Variants in CD300LD observed in about 807,000 individuals in gnomAD.
CD300LD encodes the protein CD300 molecule like family member d, also known as CMRF35-like molecule 5.
Under a neutral mutation model 20.3 loss-of-function variants are expected in CD300LD, and 18 were observed. The ratio of observed to expected loss-of-function variants is 0.89; its 90% confidence interval spans 0.61 to 1.32. The LOEUF is 1.32. CD300LD is among the 40% of genes most tolerant of loss of function. CD300LD has a pLI of 0.00. For synonymous variants in CD300LD, 104 were observed against 90.1 expected (o/e 1.15, Z -0.87); for missense variants, 195 against 226.6 (o/e 0.86, Z 0.90).
In CD300LD at chr17:74,588,776, C is replaced by A. The variant is rs774693512; in HGVS notation, c.114G>T (p.Gln38His). ...TCTCCCAGCCTGAGCCATAAGCACA[C>A]TGCACAGTCAATGAGCCCTGCTCCG... The part of the protein sequence containing the change: ...NGSEQGSLTV[Q>H]CAYGSGWETY... The change falls in exon 2 of 4, where the codon CAG becomes CAT. Residue 38 changes from glutamine to histidine, a missense_variant. By Grantham distance (24) the Gln-to-His change is conservative (BLOSUM62 0). Coordinates refer to ENST00000375352, the MANE Select transcript of CD300LD (RefSeq NM_001115152.2). 2 of 1,614,228 alleles carry A rather than the reference C, an allele frequency of 1.2e-6. No individual in the cohort carries two copies. The highest frequency in any genetic ancestry group is 3.3e-5 in the Admixed American group (2 of 60,034).
chr17:74,580,074 G>GAGGAAC lies in CD300LD; in HGVS notation c.507_512dup (p.Phe170_Leu171dup). The GAGGAAC allele has an allele frequency of 6.2e-7, 1 of 1,613,370 alleles. No homozygotes were observed. The highest frequency in any genetic ancestry group is 8.5e-7 in the Non-Finnish European group (1 of 1,179,612). ...TGCTCAGGAGCAGAGGCAGCTCCAGGAGGAACAGGAACAGGAAGTGGGTGC... is the reference window on the plus strand; with the variant it reads ...TGCTCAGGAGCAGAGGCAGCTCCAGGAGGAACAGGAACAGGAACAGGAAGTGGGTGC... On this transcript the variant is annotated inframe_insertion, in exon 4 of 4. Transcript: ENST00000375352.
At chr17:74,583,573 A>C (rs765011939) in intron 2 of CD300LD, among the ~76,000 whole-genome samples, 2 of 152,126 alleles carry the variant, frequency 1.3e-5, no homozygotes, top group Non-Finnish European at 2.9e-5. Context: ...GGGATGATCC[A>C]TTTTCTCTTA....
At chr17:74,578,904 C>T (rs775628756), downstream of CD300LD, among the ~76,000 whole-genome samples, 23 of 152,134 alleles carry the variant, frequency 1.5e-4, no homozygotes, top group Non-Finnish European at 2.6e-4. Flanking sequence ...CCCAGCCATC[C>T]CCAGCTCACA....
intron 3 of CD300LD, among the ~76,000 whole-genome samples, chr17:74,580,900 TAAA>T (rs372413183): frequency 0.016 from 1,997 of 123,424 alleles, 47 homozygotes; most frequent in African/African-American, 0.05. Context: ...GCCCCATCTC[TAAA>T]AAAAAAAAAA....
intron 2 of CD300LD, among the ~76,000 whole-genome samples, chr17:74,587,041 C>T (rs956687508): frequency 6.6e-6 from 1 of 151,888 alleles, no homozygotes; most frequent in Non-Finnish European, 1.5e-5. Context: ...CCCAGCTACT[C>T]GGGAGGCTAA....
intron 2 of CD300LD, among the ~76,000 whole-genome samples, chr17:74,584,189 A>G (rs117413670): frequency 0.018 from 2,691 of 152,330 alleles, 37 homozygotes; most frequent in Non-Finnish European, 0.027. Context: ...TTGACTAAAT[A>G]TGGAAGTGCT....
chr17:74,588,925 A>C, intron 1 of CD300LD, 76 bp from the exon 2 acceptor site: 1 of 995,714 alleles, frequency 1.0e-6, no homozygotes, highest in South Asian at 1.5e-5. Context: ...TGGGAGTAGC[A>C]GCCAAATCCA....
At chr17:74,591,187 G>A (rs902148342) in intron 1 of CD300LD, among the ~76,000 whole-genome samples, 7 of 151,152 alleles carry the variant, frequency 4.6e-5, no homozygotes, top group Non-Finnish European at 8.8e-5. Context: ...GCCAAAGTGG[G>A]AGGATCACTT....
intron 3 of CD300LD, among the ~76,000 whole-genome samples, chr17:74,581,058 C>T (rs2030024073): frequency 6.6e-6 from 1 of 151,964 alleles, no homozygotes; most frequent in Admixed American, 6.6e-5. Flanking sequence ...AAAGGTCCTT[C>T]CCAGCATCTT....
At position 74,588,504 on chromosome 17, in the gene CD300LD, C is replaced by T. The variant is rs757949518; in HGVS notation, c.379+7G>A. 44 of 1,592,804 alleles carry T rather than the reference C, an allele frequency of 2.8e-5. No individual in the cohort carries two copies. In the Admixed American group the frequency reaches 6.6e-4, roughly 24 times the overall value. ...AGAGACACACACGTATATACACTCC[C>T]TCTTACCTGGGTTAATGGTCACTTG... On this transcript the variant is annotated splice_region_variant and intron_variant, in intron 2 of 3. Coordinates refer to ENST00000375352, the MANE Select transcript of CD300LD (RefSeq NM_001115152.2).
In CD300LD at chr17:74,588,687, T is replaced by C. The variant is rs1202390057; in HGVS notation, c.203A>G (p.Asn68Ser). 2 of 1,614,108 alleles carry C rather than the reference T, an allele frequency of 1.2e-6. No homozygotes were observed. Among genetic ancestry groups the C allele is most frequent in the Non-Finnish European group, 1.7e-6 (2 of 1,180,044 alleles). Residue 68 changes from asparagine (N) to serine (S), a missense_variant, in exon 2 of 4, where the codon AAT becomes AGT. Coordinates refer to ENST00000375352, the MANE Select transcript of CD300LD (RefSeq NM_001115152.2). ...WNYCNILVKT[N>S]GSEQEVKKNR... The stretch of plus-strand genomic sequence containing the variant: ...CTTCTTTACCTCCTGCTCTGATCCA[T>C]TTGTTTTAACAAGGATGTTACAGTA...
chr17:74,582,881 A>G (rs2030068581), intron 2 of CD300LD, among the ~76,000 whole-genome samples: 1 of 151,958 alleles, frequency 6.6e-6, no homozygotes, highest in African/African-American at 2.4e-5. Context: ...GCTGGACCAC[A>G]CCCTACTCAC....
At chr17:74,585,133 A>C (rs1294980117) in intron 2 of CD300LD, 2 of 152,216 alleles carry the variant, frequency 1.3e-5, no homozygotes, top group Non-Finnish European at 2.9e-5. Context: ...TAGTTCTCAA[A>C]CATTAATTAA....
At chr17:74,589,892 A>G (rs1186109357) in intron 1 of CD300LD, among the ~76,000 whole-genome samples, 1 of 152,236 alleles carries the variant, frequency 6.6e-6, no homozygotes, top group African/African-American at 2.4e-5. Flanking sequence ...TTGTCTCTGA[A>G]ACGCCAAGAG....
chr17:74,587,100 G>A (rs1157512420), intron 2 of CD300LD, among the ~76,000 whole-genome samples: 1 of 151,552 alleles, frequency 6.6e-6, no homozygotes, highest in East Asian at 1.9e-4. Flanking sequence ...GGTGAGCCGA[G>A]ATCGTGCCAT....
intron 2 of CD300LD, among the ~76,000 whole-genome samples, chr17:74,583,085 G>T (rs540655821): frequency 6.6e-6 from 1 of 152,042 alleles, no homozygotes; most frequent in Non-Finnish European, 1.5e-5. Flanking sequence ...TGTATACCCG[G>T]TAACACCACC....
intron 3 of CD300LD, 55 bp from the exon 4 acceptor site, chr17:74,580,168 T>C: frequency 8.9e-7 from 1 of 1,128,032 alleles, no homozygotes; most frequent in South Asian, 1.3e-5. Context: ...AGGTCTCAGG[T>C]CTTCTCAGCT....
intron 1 of CD300LD, among the ~76,000 whole-genome samples, chr17:74,589,241 T>A (rs761073252): frequency 6.6e-6 from 1 of 152,228 alleles, no homozygotes; most frequent in Non-Finnish European, 1.5e-5. Context: ...GCTGCCTTGA[T>A]GCTTGGCTGT....
intron 2 of CD300LD, among the ~76,000 whole-genome samples, chr17:74,584,451 A>T (rs889895017): frequency 6.6e-6 from 1 of 152,194 alleles, no homozygotes; most frequent in Admixed American, 6.5e-5. Context: ...GTTCTCATGA[A>T]AGCAGGATGT....
Sources: gnomAD v4.1 joint callset for allele counts (sites outside exome capture counted in the v4.1 genomes callset) on GRCh38, gnomAD v4.1.1 for gene constraint, MANE v1.5 for transcripts, NCBI Gene and HGNC (gene_info 2026-07-23, HGNC 2026-07-21) for gene names.